Variants in GAB2 observed in about 807,000 individuals in gnomAD.
The protein encoded by GAB2 is GRB2 associated binding protein 2.
In GAB2, 26 loss-of-function variants were observed where a neutral mutation model predicts 65.5. The observed-to-expected ratio is 0.40, with a 90% confidence interval of 0.29 to 0.55. The LOEUF is 0.55. GAB2 is among the 20% of genes least tolerant of loss of function. The pLI is 0.53. For missense variants in GAB2, 884 were observed against 875.8 expected (o/e 1.01, Z -0.12); for synonymous variants, 321 against 329.6 (o/e 0.97, Z 0.28).
intron 1 of GAB2, among the ~76,000 whole-genome samples, chr11:78,403,160 G>A (rs1856996357): frequency 6.6e-6 from 1 of 152,180 alleles, no homozygotes; most frequent in South Asian, 2.1e-4. Context: ...ACCCAGCTAA[G>A]GCTACTTTGT....
rs540476645 is a variant in GAB2 at position 78,256,667 on chromosome 11, T to C, written c.377-6267A>G. Among the ~76,000 whole-genome samples, 7 of 152,324 alleles carry C rather than the reference T, an allele frequency of 4.6e-5. No individual in the cohort carries two copies. In the South Asian group the frequency reaches 6.2e-4, roughly 14 times the overall value. ...ATAACTATCAAGTATTGGAGGATAA[T>C]CTCTAGCCTACCTGTCTGTCTCACT... On this transcript the variant is annotated intron_variant, in intron 2 of 9. Coordinates refer to ENST00000361507, the MANE Select transcript of GAB2 (RefSeq NM_080491.3).
intron 1 of GAB2, among the ~76,000 whole-genome samples, chr11:78,371,217 A>C (rs1173894958): frequency 1.3e-5 from 2 of 152,212 alleles, no homozygotes; most frequent in South Asian, 2.1e-4. Context: ...AACTTTAACT[A>C]TCATGTATTT....
chr11:78,257,058 C>G (rs1407362000), intron 2 of GAB2, among the ~76,000 whole-genome samples: 1 of 151,910 alleles, frequency 6.6e-6, no homozygotes, highest in Non-Finnish European at 1.5e-5. Flanking sequence ...TACAGAATCA[C>G]TCCCCTTCCT....
chr11:78,328,008 G>A (rs1855853480), intron 1 of GAB2, among the ~76,000 whole-genome samples: 1 of 152,134 alleles, frequency 6.6e-6, no homozygotes, highest in Non-Finnish European at 1.5e-5. Flanking sequence ...GTGGGTGACA[G>A]GAAGGCCTAG....
intron 1 of GAB2, among the ~76,000 whole-genome samples, chr11:78,336,657 T>C (rs1371087359): frequency 2.0e-5 from 3 of 152,140 alleles, no homozygotes; most frequent in Non-Finnish European, 4.4e-5. Context: ...ATTTTGTGTT[T>C]TGTCTATGGA....
chr11:78,254,627 C>T (rs929327498), intron 2 of GAB2, among the ~76,000 whole-genome samples: 2 of 151,970 alleles, frequency 1.3e-5, no homozygotes, highest in Non-Finnish European at 2.9e-5. Flanking sequence ...TAGTGAGAGT[C>T]GTCTCTATCA....
At chr11:78,250,893 C>G (rs984463245) in intron 2 of GAB2, among the ~76,000 whole-genome samples, 2 of 152,092 alleles carry the variant, frequency 1.3e-5, no homozygotes, top group Non-Finnish European at 2.9e-5. Context: ...TAAGTTGGAG[C>G]TAAACACAGG....
At chr11:78,220,529 A>G (rs1486179747) in intron 8 of GAB2, 85 bp from the exon 9 acceptor site, 3 of 1,211,610 alleles carry the variant, frequency 2.5e-6, no homozygotes, top group Non-Finnish European at 3.5e-6. Context: ...GAGTAAGAAC[A>G]CTGTTTCCCT....
intron 1 of GAB2, among the ~76,000 whole-genome samples, chr11:78,399,403 A>G (rs1048291145): frequency 4.6e-5 from 7 of 152,202 alleles, no homozygotes; most frequent in African/African-American, 1.7e-4. Flanking sequence ...ACTTACTGAG[A>G]AGTTTTTGCA....
At chr11:78,295,450 A>T (rs1177564038) in intron 1 of GAB2, among the ~76,000 whole-genome samples, 2 of 152,108 alleles carry the variant, frequency 1.3e-5, no homozygotes, top group Non-Finnish European at 2.9e-5. Context: ...TGTCTTTTCC[A>T]TTAGCACTTA....
chr11:78,262,439 C>G (rs1399437658), intron 2 of GAB2, among the ~76,000 whole-genome samples: 1 of 152,182 alleles, frequency 6.6e-6, no homozygotes, highest in Non-Finnish European at 1.5e-5. Context: ...TGGGAGGTAA[C>G]CTGGTGAGGG....
intron 1 of GAB2, among the ~76,000 whole-genome samples, chr11:78,309,464 CTTTT>C (rs5792803): frequency 5.8e-4 from 80 of 137,422 alleles, no homozygotes; most frequent in Admixed American, 1.2e-3. Flanking sequence ...TGCCCCCTGC[CTTTT>C]TTTTTTTTTT....
At chr11:78,383,423 C>T (rs1792538500) in intron 1 of GAB2, among the ~76,000 whole-genome samples, 1 of 151,050 alleles carries the variant, frequency 6.6e-6, no homozygotes, top group Admixed American at 6.6e-5. Flanking sequence ...GGCATAGCTA[C>T]GACAATGTCT....
Position 78,216,403 on chromosome 11 carries a change from C to T in GAB2, c.*2869G>A. 1 of 152,310 alleles carries T rather than the reference C, an allele frequency of 6.6e-6. No individual in the cohort carries two copies. The allele number at this position is 152,310 out of a possible 1,614,324, so 9.4% of individuals were successfully genotyped here. A position where few individuals can be genotyped will look rare whatever the true frequency, so the allele number is the denominator to read the frequency against. ...GGATAGGCCAAAGGACCAGTTTTTTCAACTGAGTTGACTCCTTTGTTGGAG... is the reference window on the plus strand; with the variant it reads ...GGATAGGCCAAAGGACCAGTTTTTTTAACTGAGTTGACTCCTTTGTTGGAG... On this transcript the variant is annotated 3_prime_UTR_variant, in exon 10 of 10. Coordinates refer to ENST00000361507, the MANE Select transcript of GAB2 (RefSeq NM_080491.3).
At chr11:78,304,710 C>T (rs944263177) in intron 1 of GAB2, among the ~76,000 whole-genome samples, 3 of 152,148 alleles carry the variant, frequency 2.0e-5, no homozygotes, top group Non-Finnish European at 4.4e-5. Context: ...TGCAGCCTGA[C>T]ATTAAAGTAT....
At chr11:78,287,054 T>C (rs1565143365) in intron 1 of GAB2, among the ~76,000 whole-genome samples, 1 of 152,224 alleles carries the variant, frequency 6.6e-6, no homozygotes. Flanking sequence ...CCAAATGGAA[T>C]TTATTCCAAG....
chr11:78,230,092 G>A (rs1460719087), intron 3 of GAB2, among the ~76,000 whole-genome samples: 2 of 152,168 alleles, frequency 1.3e-5, no homozygotes, highest in Admixed American at 6.5e-5. Context: ...TCTCTCCTTA[G>A]CACCTAGGTT....
intron 2 of GAB2, among the ~76,000 whole-genome samples, chr11:78,259,023 C>T (rs1470154868): frequency 2.0e-5 from 3 of 152,090 alleles, no homozygotes; most frequent in Admixed American, 6.6e-5. Context: ...CTCCCTCCTC[C>T]TACCCTCTAC....
chr11:78,226,376 G>A lies in GAB2; in HGVS notation c.1207+89C>T, dbSNP rs116054798. Reference sequence around the variant, plus strand: ...CCTAGGTGGTTCGTAAGTTCCCCTCGGCCATGGATGACCAAGGACCATCAA... The same window carrying A: ...CCTAGGTGGTTCGTAAGTTCCCCTCAGCCATGGATGACCAAGGACCATCAA... On this transcript the variant is annotated intron_variant, in intron 4 of 9. Coordinates refer to ENST00000361507, the MANE Select transcript of GAB2 (RefSeq NM_080491.3). 4.3e-3 allele frequency: 4,457 copies of A among 1,043,352 alleles called. 90 individuals are homozygous for A. Among genetic ancestry groups the A allele is most frequent in the African/African-American group, 0.033 (2,086 of 64,148 alleles). 64.6% of individuals were successfully genotyped at this position (1,043,352 alleles called of 1,614,324 possible).
Sources: gnomAD v4.1 joint callset for allele counts (sites outside exome capture counted in the v4.1 genomes callset) on GRCh38, gnomAD v4.1.1 for gene constraint, MANE v1.5 for transcripts, NCBI Gene and HGNC (gene_info 2026-07-23, HGNC 2026-07-21) for gene names.